Variants in TBC1D5 observed in about 807,000 individuals in gnomAD.
TBC1D5 encodes TBC1 domain family, member 5.
A neutral mutation model predicts 100.3 loss-of-function variants in TBC1D5; 75 were observed. The ratio of observed to expected loss-of-function variants is 0.75; its 90% CI spans 0.62 to 0.91. TBC1D5 has a LOEUF of 0.91. Ranked by LOEUF, TBC1D5 falls within the 40% of genes least tolerant of loss-of-function variation. The probability of loss-of-function intolerance (pLI) is 0.00; values close to 1 mark genes in which losing one functional copy is unlikely to be tolerated. For synonymous variants in TBC1D5, 323 were observed against 325.6 expected (o/e 0.99, Z 0.09); for missense variants, 910 against 942.4 (o/e 0.97, Z 0.45).
intron 3 of TBC1D5, among the ~76,000 whole-genome samples, chr3:17,456,489 A>C (rs1450785080): frequency 6.6e-6 from 1 of 152,232 alleles, no homozygotes; most frequent in Non-Finnish European, 1.5e-5. Flanking sequence ...TATGGGTGAA[A>C]GATTTGAATA....
chr3:17,636,791 A>G (rs2063975003), intron 1 of TBC1D5, among the ~76,000 whole-genome samples: 1 of 151,482 alleles, frequency 6.6e-6, no homozygotes, highest in Non-Finnish European at 1.5e-5. Flanking sequence ...ACAGAGCGAG[A>G]CTCCGTCTCA....
At chr3:17,258,727 G>T in intron 15 of TBC1D5, 136 bp from the exon 16 acceptor site, 1 of 546,572 alleles carries the variant, frequency 1.8e-6, no homozygotes, top group South Asian at 5.1e-5. Flanking sequence ...AGTGTGATTG[G>T]GTTTTGCTTT....
At chr3:17,568,063 C>T (rs2096604245) in intron 2 of TBC1D5, among the ~76,000 whole-genome samples, 1 of 151,512 alleles carries the variant, frequency 6.6e-6, no homozygotes, top group Non-Finnish European at 1.5e-5. Flanking sequence ...TAATAATGTT[C>T]TAGCAAGCAT....
chr3:17,586,411 T>C (rs1235769928), intron 2 of TBC1D5: 1 of 152,154 alleles, frequency 6.6e-6, no homozygotes, highest in Non-Finnish European at 1.5e-5. Flanking sequence ...TGCATGTTCT[T>C]GTTATAGATC....
chr3:17,736,907 G>A (rs866462192), intron 1 of TBC1D5, among the ~76,000 whole-genome samples: 1 of 152,100 alleles, frequency 6.6e-6, no homozygotes, highest in African/African-American at 2.4e-5. Flanking sequence ...CAGCCACTCA[G>A]GAGGCTGAGG....
rs1214690752 is a variant in TBC1D5, at chr3:17,398,781, G to GTCC, written c.509+4397_509+4399dup. Among the ~76,000 whole-genome samples, 4 of 151,914 alleles carry GTCC rather than the reference G, an allele frequency of 2.6e-5. No homozygotes were observed. The East Asian group carries it at 7.7e-4, about 29-fold the overall frequency. The stretch of plus-strand genomic sequence containing the variant: ...TGTTTTCTCTGTAAGCTTCTTAAGG[G>GTCC]TCCATATCACATTTATCTTGGCATC... On this transcript the variant is annotated intron_variant, in intron 8 of 21. Coordinates refer to ENST00000253692, the Ensembl canonical transcript of TBC1D5.
In TBC1D5 at chr3:17,374,478, C is replaced by T. The variant is rs1422195567; in HGVS notation, c.815G>A (p.Gly272Asp). 2.5e-6 allele frequency: 4 copies of T among 1,610,944 alleles called. No homozygotes were observed. The African/African-American group carries it at 5.4e-5, about 22-fold the overall frequency. ...CTGTACTATAAGATTTACCTTCTGACCATCATGCTCAAAAGTTGAAAACCA... is the reference window on the plus strand; with the variant it reads ...CTGTACTATAAGATTTACCTTCTGATCATCATGCTCAAAAGTTGAAAACCA... The change falls in exon 12 of 22, where the codon GGT becomes GAT. Residue 272 changes from glycine to aspartate, a missense_variant. By Grantham distance (94) the Gly-to-Asp change is moderately conservative (BLOSUM62 -1). Transcript: ENST00000253692.
intron 2 of TBC1D5, among the ~76,000 whole-genome samples, chr3:17,543,875 T>TC (rs1162167272): frequency 3.3e-5 from 5 of 151,660 alleles, no homozygotes; most frequent in East Asian, 1.9e-4. Context: ...TGTTTTTTTT[T>TC]TCTTTTTTTT....
intron 19 of TBC1D5, among the ~76,000 whole-genome samples, chr3:17,181,291 C>T (rs2068429200): frequency 6.6e-6 from 1 of 152,198 alleles, no homozygotes; most frequent in Non-Finnish European, 1.5e-5. Flanking sequence ...TTTCAACTAA[C>T]CAGTTGTAGA....
In TBC1D5 at chr3:17,689,888, G is replaced by A. The variant is rs2070871267; in HGVS notation, c.-101+49455C>T. Among the ~76,000 whole-genome samples the A allele has an allele frequency of 3.6e-5, 4 of 111,358 alleles. No individual in the cohort carries two copies. In the South Asian group the frequency reaches 1.4e-3, roughly 40 times the overall value. 73.1% of individuals were successfully genotyped at this position (111,358 alleles called of 152,430 possible). On this transcript the variant is annotated intron_variant, in intron 1 of 21. Coordinates refer to ENST00000253692, the Ensembl canonical transcript of TBC1D5. ...AACATACCTAAACATACAACAAACAGGATAGGACCCCTCCCCCCCAAAAAA... is the reference window on the plus strand; with the variant it reads ...AACATACCTAAACATACAACAAACAAGATAGGACCCCTCCCCCCCAAAAAA...
At chr3:17,430,644 G>GA (rs1364485444) in intron 3 of TBC1D5, among the ~76,000 whole-genome samples, 1 of 151,854 alleles carries the variant, frequency 6.6e-6, no homozygotes, top group Non-Finnish European at 1.5e-5. Context: ...TTTGAAGCGG[G>GA]AAAAACGCTT....
intron 14 of TBC1D5, among the ~76,000 whole-genome samples, chr3:17,297,728 G>A (rs754404496): frequency 4.0e-5 from 6 of 151,504 alleles, no homozygotes; most frequent in Admixed American, 6.6e-5. Flanking sequence ...GACTATAGGC[G>A]TGTGCCATCA....
At chr3:17,186,405 T>C (rs1191397988) in intron 18 of TBC1D5, among the ~76,000 whole-genome samples, 3 of 152,020 alleles carry the variant, frequency 2.0e-5, no homozygotes. Context: ...ATTGAAACAC[T>C]GGACACAGAA....
chr3:17,470,052 A>T (rs1311310336), intron 3 of TBC1D5, among the ~76,000 whole-genome samples: 1 of 152,182 alleles, frequency 6.6e-6, no homozygotes, highest in African/African-American at 2.4e-5. Flanking sequence ...ACACTCCTAC[A>T]CTGCGCCCTT....
intron 9 of TBC1D5, among the ~76,000 whole-genome samples, chr3:17,377,097 C>T (rs1273896509): frequency 6.6e-6 from 1 of 151,906 alleles, no homozygotes; most frequent in Non-Finnish European, 1.5e-5. Context: ...AGTCAGCTAG[C>T]TAAAATGTTG....
intron 3 of TBC1D5, among the ~76,000 whole-genome samples, chr3:17,444,539 G>C (rs2094739714): frequency 6.6e-6 from 1 of 151,984 alleles, no homozygotes; most frequent in Admixed American, 6.6e-5. Context: ...AGATTTAGCT[G>C]TTCTAAATAA....
At chr3:17,411,792 G>A (rs1382400524) in intron 4 of TBC1D5, among the ~76,000 whole-genome samples, 2 of 152,092 alleles carry the variant, frequency 1.3e-5, no homozygotes, top group African/African-American at 4.8e-5. Context: ...TACGGTGTTG[G>A]TATAGGGAAA....
chr3:17,301,045 G>A (rs1324725005), intron 14 of TBC1D5, among the ~76,000 whole-genome samples: 2 of 148,268 alleles, frequency 1.3e-5, no homozygotes, highest in East Asian at 4.0e-4. Flanking sequence ...CTCAGTCTGT[G>A]TAACAAGAGT....
intron 1 of TBC1D5, among the ~76,000 whole-genome samples, chr3:17,640,573 T>C (rs1316273016): frequency 6.6e-6 from 1 of 152,010 alleles, no homozygotes; most frequent in Non-Finnish European, 1.5e-5. Flanking sequence ...GAAAACATAA[T>C]GTCTAAGAAT....
Sources: gnomAD v4.1 joint callset for allele counts (sites outside exome capture counted in the v4.1 genomes callset) on GRCh38, gnomAD v4.1.1 for gene constraint, MANE v1.5 for transcripts, NCBI Gene and HGNC (gene_info 2026-07-23, HGNC 2026-07-21) for gene names.